Variants in GPHN observed in about 807,000 individuals in gnomAD.
The protein encoded by GPHN is gephyrin.
A neutral mutation model predicts 95.5 loss-of-function variants in GPHN; 17 were observed. The observed-to-expected ratio is 0.18, with a 90% CI of 0.12 to 0.27. The LOEUF (loss-of-function observed/expected upper bound fraction) is 0.27, where lower values mean the gene tolerates loss of function less well. Among genes scored for constraint, GPHN ranks in the 10% least tolerant of loss-of-function variants. GPHN has a pLI of 1.00. For missense variants in GPHN, 660 were observed against 978.1 expected, an observed-to-expected ratio of 0.67 and a Z score of 4.34; for synonymous variants, 320 against 322.5, an observed-to-expected ratio of 0.99 and a Z score of 0.08.
At chr14:66,701,790 G>T (rs761828151) in intron 2 of GPHN, among the ~76,000 whole-genome samples, 18 of 152,136 alleles carry the variant, frequency 1.2e-4, no homozygotes, top group Non-Finnish European at 1.9e-4. Flanking sequence ...GGGGAGGGGC[G>T]ACCAACACCA....
chr14:67,639,014 A>G, the GPHN span, among the ~76,000 whole-genome samples: 1 of 151,936 alleles, frequency 6.6e-6, no homozygotes, highest in African/African-American at 2.4e-5. Context: ...CAGGTTGGGA[A>G]TTAATCTGAT....
At chr14:67,047,340 G>T (rs890211132) in intron 10 of GPHN, among the ~76,000 whole-genome samples, 13 of 135,990 alleles carry the variant, frequency 9.6e-5, no homozygotes, top group African/African-American at 2.6e-4. Context: ...GTGTTTGTGT[G>T]TGTGTGTGTG....
At chr14:66,705,309 A>G (rs1239936109) in intron 2 of GPHN, among the ~76,000 whole-genome samples, 1 of 102,842 alleles carries the variant, frequency 9.7e-6, no homozygotes, top group African/African-American at 6.8e-5. Context: ...TCCCTAACTC[A>G]TTCAGTGAAG....
At chr14:67,687,268 C>T in the GPHN span, among the ~76,000 whole-genome samples, 1 of 152,126 alleles carries the variant, frequency 6.6e-6, no homozygotes, top group East Asian at 1.9e-4. Context: ...TTTCCCATTG[C>T]TCTTAGAATA....
intron 3 of GPHN, among the ~76,000 whole-genome samples, chr14:66,818,784 T>C (rs2061080813): frequency 6.6e-6 from 1 of 152,204 alleles, no homozygotes; most frequent in Non-Finnish European, 1.5e-5. Flanking sequence ...GACTTTTTAG[T>C]AATATTCTGA....
intron 14 of GPHN, among the ~76,000 whole-genome samples, chr14:67,111,458 G>A (rs2078366792): frequency 6.6e-6 from 1 of 152,100 alleles, no homozygotes; most frequent in African/African-American, 2.4e-5. Flanking sequence ...GCATGGTATT[G>A]AACCCATGAT....
At chr14:66,829,202 C>T (rs977401671) in intron 4 of GPHN, among the ~76,000 whole-genome samples, 1 of 151,488 alleles carries the variant, frequency 6.6e-6, no homozygotes, top group African/African-American at 2.4e-5. Context: ...ATTCCTGTGC[C>T]TCAGCCTCCT....
the GPHN span, chr14:67,647,957 T>C: frequency 2.3e-5 from 29 of 1,282,920 alleles, no homozygotes; most frequent in East Asian, 6.9e-4. Context: ...AGCAACAAAA[T>C]CAAGGAGTTG....
chr14:66,782,496 A>G (rs2059639172), intron 3 of GPHN, among the ~76,000 whole-genome samples: 1 of 152,126 alleles, frequency 6.6e-6, no homozygotes, highest in Non-Finnish European at 1.5e-5. Context: ...TATTACTACT[A>G]AAAATGCCTA....
At chr14:67,048,157 C>A (rs2075129485) in intron 10 of GPHN, among the ~76,000 whole-genome samples, 1 of 152,040 alleles carries the variant, frequency 6.6e-6, no homozygotes, top group South Asian at 2.1e-4. Flanking sequence ...TTTCTGTGAC[C>A]CTTTGGAGGC....
the GPHN span, chr14:67,387,523 G>A: frequency 2.6e-6 from 4 of 1,522,222 alleles, no homozygotes; most frequent in Non-Finnish European, 3.6e-6. Flanking sequence ...TCTTGAACCA[G>A]CAGAAAGTCA....
chr14:66,913,198 C>T (rs1431009668), intron 5 of GPHN, among the ~76,000 whole-genome samples: 2 of 152,148 alleles, frequency 1.3e-5, no homozygotes, highest in African/African-American at 4.8e-5. Flanking sequence ...CCTTCTTAGC[C>T]TCATATTACT....
intron 4 of GPHN, among the ~76,000 whole-genome samples, chr14:66,854,275 A>T (rs2153517323): frequency 6.6e-6 from 1 of 152,326 alleles, no homozygotes; most frequent in South Asian, 2.1e-4. Context: ...CCAATAACTC[A>T]AACCTCATTT....
intron 10 of GPHN, among the ~76,000 whole-genome samples, chr14:67,043,728 T>TG (rs1425245314): frequency 5.9e-5 from 9 of 152,166 alleles, no homozygotes; most frequent in African/African-American, 2.2e-4. Flanking sequence ...ATCAGGATGA[T>TG]GCTGGCCTCA....
chr14:66,829,707 T>G (rs191416010), intron 4 of GPHN, among the ~76,000 whole-genome samples: 2 of 152,294 alleles, frequency 1.3e-5, no homozygotes, highest in Non-Finnish European at 2.9e-5. Flanking sequence ...TGATCATAAG[T>G]AAAATAGTTG....
the GPHN span, among the ~76,000 whole-genome samples, chr14:67,718,282 T>A: frequency 8.5e-5 from 13 of 152,230 alleles, no homozygotes; most frequent in African/African-American, 2.6e-4. Context: ...AATATGTGAT[T>A]TGAAGAATAG....
At chr14:67,552,368 G>T in the GPHN span, among the ~76,000 whole-genome samples, 1 of 152,218 alleles carries the variant, frequency 6.6e-6, no homozygotes, top group Admixed American at 6.5e-5. Context: ...GAAAAGTGTT[G>T]ATGCTGGGGC....
chr14:67,692,393 T>A, the GPHN span: 1 of 1,601,170 alleles, frequency 6.2e-7, no homozygotes, highest in Non-Finnish European at 8.5e-7. Flanking sequence ...ATCTGCCATG[T>A]TGACCTCAAG....
chr14:67,165,058 G>A, intron 19 of GPHN, 104 bp from the exon 20 acceptor site: 2 of 796,262 alleles, frequency 2.5e-6, no homozygotes, highest in South Asian at 2.9e-5. Context: ...ACAGAAAAGT[G>A]TTTTTTATAT....
Sources: gnomAD v4.1 joint callset for allele counts (sites outside exome capture counted in the v4.1 genomes callset) on GRCh38, gnomAD v4.1.1 for gene constraint, MANE v1.5 for transcripts, NCBI Gene and HGNC (gene_info 2026-07-23, HGNC 2026-07-21) for gene names.